IL1RAPL2: variants seen among roughly 807,000 people sequenced by gnomAD.
The protein encoded by IL1RAPL2 is interleukin 1 receptor accessory protein like 2.
Under a neutral mutation model 44.1 loss-of-function variants are expected in IL1RAPL2, and 3 were observed. That is an observed-to-expected ratio of 0.07 (90% CI 0.03 to 0.18). IL1RAPL2 has a LOEUF of 0.18. Among genes scored for constraint, IL1RAPL2 ranks in the 10% least tolerant of loss-of-function variants. The pLI is 1.00. For missense variants in IL1RAPL2, 391 were observed against 496.4 expected, an observed-to-expected ratio of 0.79 and a Z score of 2.02; for synonymous variants, 181 against 178.8, an observed-to-expected ratio of 1.01 and a Z score of -0.10.
intron 1 of IL1RAPL2, among the ~76,000 whole-genome samples, chrX:104,631,390 T>C (rs1380161305): frequency 8.9e-6 from 1 of 111,955 alleles, no homozygotes; most frequent in Non-Finnish European, 1.9e-5. Context: ...TATTTCTAGT[T>C]CTAGATACCT....
intron 6 of IL1RAPL2, among the ~76,000 whole-genome samples, chrX:105,587,907 C>T (rs1480377772): frequency 9.0e-6 from 1 of 110,531 alleles, no homozygotes; most frequent in Non-Finnish European, 1.9e-5. Context: ...GGCACAGTGG[C>T]GCATGCCTGT....
intron 6 of IL1RAPL2, among the ~76,000 whole-genome samples, chrX:105,566,795 A>G (rs1215028876): frequency 9.0e-6 from 1 of 111,683 alleles, no homozygotes; most frequent in Non-Finnish European, 1.9e-5. Flanking sequence ...ACAGACTAGA[A>G]TGCAAAACTA....
At chrX:104,892,367 A>G (rs1015155265) in intron 2 of IL1RAPL2, among the ~76,000 whole-genome samples, 1 of 111,971 alleles carries the variant, frequency 8.9e-6, no homozygotes, top group Non-Finnish European at 1.9e-5. Context: ...TTCAGAAGGA[A>G]TGGTACCAGC....
intron 6 of IL1RAPL2, among the ~76,000 whole-genome samples, chrX:105,632,163 C>A (rs910138297): frequency 9.0e-6 from 1 of 111,124 alleles, no homozygotes; most frequent in African/African-American, 3.3e-5. Context: ...CCCTGACCTT[C>A]AGGATGGTCC....
At chrX:105,367,379 TTTGTTAA>T (rs2035303335) in intron 5 of IL1RAPL2, among the ~76,000 whole-genome samples, 1 of 111,834 alleles carries the variant, frequency 8.9e-6, no homozygotes, top group African/African-American at 3.2e-5. Flanking sequence ...CCTATTGGCA[TTTGTTAA>T]TTGTTTTCTT....
chrX:104,952,327 GC>G (rs1296531148), intron 2 of IL1RAPL2, among the ~76,000 whole-genome samples: 1 of 111,861 alleles, frequency 8.9e-6, no homozygotes, highest in Non-Finnish European at 1.9e-5. Flanking sequence ...TTGCTCATGA[GC>G]TTTGCATGAA....
intron 5 of IL1RAPL2, among the ~76,000 whole-genome samples, chrX:105,358,142 G>T (rs1056952525): frequency 1.8e-5 from 2 of 109,604 alleles, no homozygotes; most frequent in Admixed American, 2.0e-4. Flanking sequence ...CAGAGGTTTA[G>T]GCAAGTGGTA....
At chrX:105,276,580 A>C (rs774764696) in intron 5 of IL1RAPL2, among the ~76,000 whole-genome samples, 74 of 112,175 alleles carry the variant, frequency 6.6e-4, no homozygotes, top group African/African-American at 2.3e-3. Flanking sequence ...TGAGAATCCA[A>C]TATTACTAGG....
intron 6 of IL1RAPL2, among the ~76,000 whole-genome samples, chrX:105,622,903 C>A (rs1402027858): frequency 2.7e-5 from 3 of 110,601 alleles, no homozygotes; most frequent in African/African-American, 9.9e-5. Flanking sequence ...AGTTTTAAAA[C>A]CTCTAGTTCC....
At chrX:104,695,583 A>ATATCC (rs758347013) in intron 2 of IL1RAPL2, among the ~76,000 whole-genome samples, 4 of 109,319 alleles carry the variant, frequency 3.7e-5, no homozygotes, top group African/African-American at 1.3e-4. Flanking sequence ...TCAGAACCAT[A>ATATCC]ACATGAGTAG....
chrX:104,902,477 G>A (rs917528119), intron 2 of IL1RAPL2, among the ~76,000 whole-genome samples: 3 of 111,976 alleles, frequency 2.7e-5, no homozygotes, highest in African/African-American at 9.7e-5. Context: ...GTAGGAATTG[G>A]CCTATTTTGA....
chrX:104,895,855 A>G (rs1226300476), intron 2 of IL1RAPL2, among the ~76,000 whole-genome samples: 1 of 111,566 alleles, frequency 9.0e-6, no homozygotes, highest in Non-Finnish European at 1.9e-5. Flanking sequence ...AAATGCAGAA[A>G]TCACCTGTCT....
chrX:104,811,896 G>A (rs997595735), intron 2 of IL1RAPL2, among the ~76,000 whole-genome samples: 53 of 110,991 alleles, frequency 4.8e-4, no homozygotes, highest in African/African-American at 1.7e-3. Flanking sequence ...GTTTGTGGCA[G>A]GAACCTGAGC....
chrX:104,765,060 T>G (rs1265045429), intron 2 of IL1RAPL2, among the ~76,000 whole-genome samples: 1 of 112,327 alleles, frequency 8.9e-6, no homozygotes, highest in Non-Finnish European at 1.9e-5. Flanking sequence ...AATAATGGTC[T>G]CATAGAATGA....
chrX:104,987,338 C>G (rs965574656), intron 2 of IL1RAPL2, among the ~76,000 whole-genome samples: 1 of 109,438 alleles, frequency 9.1e-6, no homozygotes. Context: ...CTGGCATATA[C>G]CCAAGGTAAT....
chrX:104,906,286 T>C (rs915444042), intron 2 of IL1RAPL2, among the ~76,000 whole-genome samples: 4 of 110,855 alleles, frequency 3.6e-5, no homozygotes, highest in African/African-American at 1.3e-4. Flanking sequence ...CCTAATTGAA[T>C]ACCCTTTATT....
At chrX:105,722,269 G>C (rs2038311908) in intron 7 of IL1RAPL2, among the ~76,000 whole-genome samples, 1 of 111,497 alleles carries the variant, frequency 9.0e-6, no homozygotes, top group Admixed American at 9.6e-5. Flanking sequence ...ATCTTATGGG[G>C]CTACCTTTGT....
chrX:104,710,897 T>C (rs1378340527), intron 2 of IL1RAPL2, among the ~76,000 whole-genome samples: 1 of 111,424 alleles, frequency 9.0e-6, no homozygotes, highest in Non-Finnish European at 1.9e-5. Flanking sequence ...ATAGTGATTA[T>C]AAATGTCTAT....
intron 2 of IL1RAPL2, among the ~76,000 whole-genome samples, chrX:104,846,839 C>T (rs1219287567): frequency 8.9e-6 from 1 of 111,854 alleles, no homozygotes; most frequent in Admixed American, 9.5e-5. Flanking sequence ...CCTATTTCTC[C>T]ACAACCTCTC....
Sources: allele counts gnomAD v4.1 joint callset (sites outside exome capture counted in the v4.1 genomes callset), GRCh38; gene constraint gnomAD v4.1.1; transcripts MANE v1.5; gene names NCBI Gene and HGNC (gene_info 2026-07-23, HGNC 2026-07-21).